The following SYT16 variants were observed in gnomAD, a reference collection of about 807,000 sequenced individuals.
SYT16 encodes the protein synaptotagmin 16.
Under a neutral mutation model 61.4 loss-of-function variants are expected in SYT16, and 42 were observed. The ratio of observed to expected loss-of-function variants is 0.68; its 90% CI spans 0.53 to 0.89. The LOEUF is 0.89. Ranked by LOEUF, SYT16 falls within the 40% of genes least tolerant of loss-of-function variation. The pLI is 0.00. For synonymous variants in SYT16, 314 were observed against 302.3 expected (o/e 1.04, Z -0.40); for missense variants, 804 against 807.3 (o/e 1.00, Z 0.05).
rs567512176 is a variant in SYT16, at chr14:62,048,078, A to G, written c.524-21525A>G. Among the ~76,000 whole-genome samples the G allele has an allele frequency of 2.0e-5, 3 of 152,342 alleles. No individual in the cohort carries two copies. In the South Asian group the frequency reaches 6.2e-4, roughly 32 times the overall value. ...ACCAGTTCCTCCTTGTACCTCTGGT[A>G]GAATTTGGCTGTGAAGCCATCTGGT... is the stretch of plus-strand genomic sequence containing the variant. On this transcript the variant is annotated intron_variant, in intron 3 of 7. Coordinates refer to ENST00000683842, the MANE Select transcript of SYT16 (RefSeq NM_001367656.1).
chr14:61,928,399 C>G (rs2049621755), intron 1 of SYT16, among the ~76,000 whole-genome samples: 1 of 152,160 alleles, frequency 6.6e-6, no homozygotes, highest in African/African-American at 2.4e-5. Context: ...CTCTCTTGTT[C>G]TTGTTTTCAG....
intron 3 of SYT16, among the ~76,000 whole-genome samples, chr14:62,028,732 A>C (rs926893568): frequency 6.6e-6 from 1 of 152,194 alleles, no homozygotes; most frequent in African/African-American, 2.4e-5. Flanking sequence ...ATGTTCTTCT[A>C]TTGTACAACT....
chr14:61,979,661 A>C (rs1375927981), intron 2 of SYT16, among the ~76,000 whole-genome samples: 3 of 152,168 alleles, frequency 2.0e-5, no homozygotes, highest in Non-Finnish European at 1.5e-5. Context: ...AGGCGGGTGG[A>C]TCACGAGGTC....
At chr14:61,947,855 G>A (rs906414304) in intron 1 of SYT16, among the ~76,000 whole-genome samples, 3 of 152,224 alleles carry the variant, frequency 2.0e-5, no homozygotes, top group African/African-American at 4.8e-5. Context: ...GATAGGCTTT[G>A]TAGAGGCGTT....
intron 7 of SYT16, among the ~76,000 whole-genome samples, chr14:62,092,108 A>T (rs1335743438): frequency 6.6e-6 from 1 of 151,644 alleles, no homozygotes; most frequent in African/African-American, 2.4e-5. Flanking sequence ...AAAATCAATC[A>T]TCAGGAAAAT....
intron 6 of SYT16, among the ~76,000 whole-genome samples, chr14:62,083,466 G>C (rs2056779428): frequency 6.6e-6 from 1 of 152,098 alleles, no homozygotes; most frequent in Non-Finnish European, 1.5e-5. Flanking sequence ...GTGCCTGGTG[G>C]GGAAGTGTAG....
intron 3 of SYT16, among the ~76,000 whole-genome samples, chr14:62,008,215 C>T (rs772081013): frequency 2.6e-5 from 4 of 152,010 alleles, no homozygotes; most frequent in Non-Finnish European, 5.9e-5. Flanking sequence ...CTTCCCATAT[C>T]TGCCCCTGAG....
chr14:61,963,574 G>A (rs146973502), intron 1 of SYT16, among the ~76,000 whole-genome samples: 1 of 152,208 alleles, frequency 6.6e-6, no homozygotes, highest in Non-Finnish European at 1.5e-5. Flanking sequence ...GAAGAGGTTG[G>A]TTCCTGAGGT....
intron 1 of SYT16, among the ~76,000 whole-genome samples, chr14:61,835,349 T>C (rs1459756341): frequency 6.7e-6 from 1 of 150,232 alleles, no homozygotes; most frequent in Non-Finnish European, 1.5e-5. Flanking sequence ...ACCTCCTCCT[T>C]CTGGGTTCAA....
chr14:61,954,766 G>T (rs1407490250), intron 1 of SYT16, among the ~76,000 whole-genome samples: 1 of 152,084 alleles, frequency 6.6e-6, no homozygotes, highest in Non-Finnish European at 1.5e-5. Flanking sequence ...TGATAGAGCT[G>T]TTGGCTTGCT....
intron 3 of SYT16, among the ~76,000 whole-genome samples, chr14:62,049,303 G>C (rs1167662786): frequency 6.6e-6 from 1 of 152,096 alleles, no homozygotes; most frequent in South Asian, 2.1e-4. Context: ...TGCAAGCCCT[G>C]CCTTTTTTTG....
chr14:62,100,335 A>G lies in SYT16; in HGVS notation c.1625-59A>G, dbSNP rs2057388743. 38 of 1,430,618 alleles carry G rather than the reference A, an allele frequency of 2.7e-5. No individual in the cohort carries two copies. The South Asian group carries it at 4.8e-4, about 18-fold the overall frequency. The allele number at this position is 1,430,618 out of a possible 1,614,324, so 88.6% of individuals were successfully genotyped here. A position where few individuals can be genotyped will look rare whatever the true frequency, so the allele number is the denominator to read the frequency against. On this transcript the variant is annotated intron_variant, in intron 7 of 7. Coordinates refer to ENST00000683842, the MANE Select transcript of SYT16 (RefSeq NM_001367656.1). The stretch of plus-strand genomic sequence containing the variant: ...TATAAATGTTACAGCTAGTCTAGCC[A>G]AACAGAGAGCACTAATGTTTCTTAT...
chr14:61,865,558 T>C (rs1456818804), intron 1 of SYT16, among the ~76,000 whole-genome samples: 3 of 152,204 alleles, frequency 2.0e-5, no homozygotes, highest in Admixed American at 2.0e-4. Flanking sequence ...AGGTGACTGG[T>C]ATAGTCTGAT....
chr14:62,052,641 A>G (rs1054017519), intron 3 of SYT16, among the ~76,000 whole-genome samples: 2 of 152,224 alleles, frequency 1.3e-5, no homozygotes, highest in African/African-American at 4.8e-5. Context: ...TCTTAAAACC[A>G]TAATCCTGAT....
At chr14:61,956,053 G>A (rs1311088265) in intron 1 of SYT16, among the ~76,000 whole-genome samples, 1 of 151,770 alleles carries the variant, frequency 6.6e-6, no homozygotes, top group Non-Finnish European at 1.5e-5. Context: ...GCATTTCCCT[G>A]ATGACTAGTG....
intron 1 of SYT16, among the ~76,000 whole-genome samples, chr14:61,918,757 CCTT>C (rs1255052231): frequency 1.3e-5 from 2 of 151,792 alleles, no homozygotes; most frequent in African/African-American, 2.4e-5. Flanking sequence ...GGTTGATTTA[CCTT>C]CTTTTTCTTG....
chr14:61,956,407 G>A (rs77256905), intron 1 of SYT16, among the ~76,000 whole-genome samples: 1,544 of 151,950 alleles, frequency 0.01, 21 homozygotes, highest in African/African-American at 0.036. Context: ...TTAAAACTAC[G>A]TTTTCTTCTA....
At chr14:62,022,272 A>T (rs951461924) in intron 3 of SYT16, among the ~76,000 whole-genome samples, 8 of 151,942 alleles carry the variant, frequency 5.3e-5, no homozygotes, top group African/African-American at 1.9e-4. Flanking sequence ...TTTGAAATGT[A>T]TTTTCCTTTA....
intron 3 of SYT16, among the ~76,000 whole-genome samples, chr14:62,042,687 C>T (rs552623439): frequency 6.6e-6 from 1 of 152,336 alleles, no homozygotes; most frequent in African/African-American, 2.4e-5. Flanking sequence ...GCTAAACACT[C>T]AAATACTGTA....
Sources: gnomAD v4.1 joint callset for allele counts (sites outside exome capture counted in the v4.1 genomes callset) on GRCh38, gnomAD v4.1.1 for gene constraint, MANE v1.5 for transcripts, NCBI Gene and HGNC (gene_info 2026-07-23, HGNC 2026-07-21) for gene names.